Variants in DCUN1D4 observed in about 807,000 individuals in gnomAD.
DCUN1D4 encodes the protein DCN1-like protein 4.
DCUN1D4 carries 22 observed loss-of-function variants against 47.9 expected under a neutral mutation model. That is an observed-to-expected ratio of 0.46 (90% CI 0.33 to 0.66). DCUN1D4 has a LOEUF of 0.66. Ranked by LOEUF, DCUN1D4 falls within the 30% of genes least tolerant of loss-of-function variation. DCUN1D4 has a pLI of 0.02. For missense variants in DCUN1D4, 301 were observed against 340.8 expected, an observed-to-expected ratio of 0.88 and a Z score of 0.92; for synonymous variants, 121 against 112.2, an observed-to-expected ratio of 1.08 and a Z score of -0.50.
At chr4:51,850,075 C>T (rs1723147645) in intron 1 of DCUN1D4, among the ~76,000 whole-genome samples, 1 of 152,126 alleles carries the variant, frequency 6.6e-6, no homozygotes, top group African/African-American at 2.4e-5. Context: ...TCTCCTCCTG[C>T]CCCACTACCA....
rs768098156 is a variant in DCUN1D4 at position 51,860,592 on chromosome 4, T to A, written c.26-2845T>A. ...CATCTGCTTGGCTTCTAGAGAGTCTTACAATCGTGGAGGAAGGTGAATGGA... is the reference window on the plus strand; with the variant it reads ...CATCTGCTTGGCTTCTAGAGAGTCTAACAATCGTGGAGGAAGGTGAATGGA... On this transcript the variant is annotated intron_variant, in intron 1 of 10. Coordinates refer to ENST00000334635, the MANE Select transcript of DCUN1D4 (RefSeq NM_001040402.3). The A allele has an allele frequency of 7.5e-5, 34 of 455,384 alleles. 1 individual carries two copies. The highest frequency in any genetic ancestry group is 5.3e-4 in the South Asian group (34 of 64,530). The allele number at this position is 455,384 out of a possible 1,614,324, so 28.2% of individuals were successfully genotyped here.
At chr4:51,869,615 A>AG (rs921389223) in intron 3 of DCUN1D4, among the ~76,000 whole-genome samples, 8 of 152,188 alleles carry the variant, frequency 5.3e-5, no homozygotes, top group African/African-American at 1.9e-4. Context: ...TTAAAAAAAA[A>AG]GGAAGTGAAG....
At chr4:51,842,966 C>T, upstream of DCUN1D4, 1 of 1,008,540 alleles carries the variant, frequency 9.9e-7, no homozygotes, top group African/African-American at 1.7e-5. Context: ...AGGGGCGTTA[C>T]GGAGACAAGG....
chr4:51,885,654 C>G (rs1027850248), intron 5 of DCUN1D4, among the ~76,000 whole-genome samples: 1 of 152,068 alleles, frequency 6.6e-6, no homozygotes, highest in Non-Finnish European at 1.5e-5. Context: ...GGGTAGGACC[C>G]GAGACCTTGA....
At chr4:51,872,917 C>T (rs556862871) in intron 3 of DCUN1D4, among the ~76,000 whole-genome samples, 1 of 152,360 alleles carries the variant, frequency 6.6e-6, no homozygotes, top group African/African-American at 2.4e-5. Context: ...GAACCAATGT[C>T]TTTATTTCAG....
At chr4:51,901,084 CA>C (rs1208777965) in intron 8 of DCUN1D4, among the ~76,000 whole-genome samples, 2 of 152,138 alleles carry the variant, frequency 1.3e-5, no homozygotes, top group Non-Finnish European at 2.9e-5. Context: ...CTGGTAGCCT[CA>C]TGTCCACATT....
intron 3 of DCUN1D4, among the ~76,000 whole-genome samples, chr4:51,873,986 T>C (rs182754714): frequency 1.4e-3 from 214 of 152,354 alleles, no homozygotes; most frequent in African/African-American, 4.9e-3. Flanking sequence ...AAAGGTTAGA[T>C]GACTTAGATT....
chr4:51,908,475 C>T (rs757487476), intron 8 of DCUN1D4, among the ~76,000 whole-genome samples: 1 of 152,142 alleles, frequency 6.6e-6, no homozygotes, highest in South Asian at 2.1e-4. Flanking sequence ...TATTGGTCTG[C>T]CCCTTGCTCC....
intron 9 of DCUN1D4, 68 bp from the exon 10 acceptor site, chr4:51,913,222 A>G: frequency 1.0e-6 from 1 of 975,168 alleles, no homozygotes; most frequent in Non-Finnish European, 1.6e-6. Context: ...TGATTCATAA[A>G]GCAATTGAAA....
intron 1 of DCUN1D4, among the ~76,000 whole-genome samples, chr4:51,845,591 G>C (rs533363725): frequency 1.3e-5 from 2 of 152,112 alleles, no homozygotes; most frequent in Non-Finnish European, 2.9e-5. Context: ...TCCCTTTACT[G>C]TTTACAGGGA....
At chr4:51,843,040 T>C (rs889922925), upstream of DCUN1D4, 1 of 1,368,774 alleles carries the variant, frequency 7.3e-7, no homozygotes, top group African/African-American at 1.5e-5. Flanking sequence ...AGACCGGCGC[T>C]ATGGGCACTC....
intron 7 of DCUN1D4, among the ~76,000 whole-genome samples, chr4:51,892,262 ATTC>A (rs1194247633): frequency 1.3e-5 from 2 of 152,346 alleles, no homozygotes; most frequent in East Asian, 3.9e-4. Context: ...TGTAATCAAT[ATTC>A]TTAAGAAATC....
At chr4:51,891,934 T>A in intron 7 of DCUN1D4, 83 bp downstream of exon 7, 5 of 1,052,436 alleles carry the variant, frequency 4.8e-6, no homozygotes, top group Non-Finnish European at 7.1e-6. Context: ...AGGAGGTGAT[T>A]GAGTGAGTGG....
intron 5 of DCUN1D4, among the ~76,000 whole-genome samples, chr4:51,883,561 C>T (rs1729017469): frequency 6.6e-6 from 1 of 152,112 alleles, no homozygotes; most frequent in Non-Finnish European, 1.5e-5. Flanking sequence ...CTCTTACTTG[C>T]CATTGTTTTG....
At chr4:51,886,440 C>T (rs1729484966) in intron 5 of DCUN1D4, 128 bp from the exon 6 acceptor site, 3 of 692,392 alleles carry the variant, frequency 4.3e-6, no homozygotes, top group Admixed American at 6.2e-5. Flanking sequence ...TCAACTTAGA[C>T]TTGATTTTTT....
chr4:51,856,729 C>T (rs1014145381), intron 1 of DCUN1D4, among the ~76,000 whole-genome samples: 1 of 152,200 alleles, frequency 6.6e-6, no homozygotes, highest in African/African-American at 2.4e-5. Flanking sequence ...TTGAGTGCCT[C>T]ACTTGCTCAT....
intron 1 of DCUN1D4, 52 bp downstream of exon 1, chr4:51,843,319 C>T: frequency 6.7e-7 from 1 of 1,492,190 alleles, no homozygotes; most frequent in African/African-American, 1.5e-5. Flanking sequence ...CTGCCAAACT[C>T]GCCACTCGGC....
At position 51,908,441 on chromosome 4, in the gene DCUN1D4, T is replaced by A. The variant is rs73144453; in HGVS notation, c.616-2629T>A. Among the ~76,000 whole-genome samples, 355 of 152,278 alleles carry A rather than the reference T, an allele frequency of 2.3e-3. 3 individuals carry two copies. The highest frequency in any genetic ancestry group is 8.3e-3 in the African/African-American group (346 of 41,560). On this transcript the variant is annotated intron_variant, in intron 8 of 10. Transcript: ENST00000334635. Reference sequence around the variant, plus strand: ...GGCTCTCAAGGTACCTTCTGTCTAATTCTGACCTTGGGATCCAGGAATCTA... The same window carrying A: ...GGCTCTCAAGGTACCTTCTGTCTAAATCTGACCTTGGGATCCAGGAATCTA...
At position 51,843,381 on chromosome 4, in the gene DCUN1D4, T is replaced by A. The variant is rs1277702626; in HGVS notation, c.25+114T>A. 4 of 1,364,870 alleles carry A rather than the reference T, an allele frequency of 2.9e-6. No homozygotes were observed. The Admixed American group carries it at 8.9e-5, about 30-fold the overall frequency. 84.5% of individuals were successfully genotyped at this position (1,364,870 alleles called of 1,614,324 possible). A position where few individuals can be genotyped will look rare whatever the true frequency, so the allele number is the denominator to read the frequency against. On this transcript the variant is annotated intron_variant, in intron 1 of 10. Coordinates refer to ENST00000334635, the MANE Select transcript of DCUN1D4 (RefSeq NM_001040402.3). The stretch of plus-strand genomic sequence containing the variant: ...GGTCCCGAAACGCGCCGGGAGCCCC[T>A]GCCTGGGAACCACCCCTTCCCCTCC...
Sources: allele counts gnomAD v4.1 joint callset (sites outside exome capture counted in the v4.1 genomes callset), GRCh38; gene constraint gnomAD v4.1.1; transcripts MANE v1.5; gene names NCBI Gene and HGNC (gene_info 2026-07-23, HGNC 2026-07-21).